The following LRRC4C variants were observed in gnomAD, a reference collection of about 807,000 sequenced individuals.
LRRC4C encodes leucine-rich repeat-containing protein 4C.
LRRC4C carries 5 observed loss-of-function variants against 33.6 expected under a neutral mutation model. The ratio of observed to expected loss-of-function variants is 0.15; its 90% CI spans 0.08 to 0.31. The LOEUF is 0.31. Ranked by LOEUF, LRRC4C falls within the 10% of genes least tolerant of loss-of-function variation. LRRC4C has a pLI of 1.00. For missense variants in LRRC4C, 560 were observed against 796.7 expected (o/e 0.70, Z 3.58); for synonymous variants, 329 against 302.0 (o/e 1.09, Z -0.93).
intron 3 of LRRC4C, among the ~76,000 whole-genome samples, chr11:40,518,547 A>G (rs1240009291): frequency 6.6e-6 from 1 of 152,210 alleles, no homozygotes; most frequent in African/African-American, 2.4e-5. Context: ...CAAAACCACA[A>G]TGAGATACCA....
intron 1 of LRRC4C, among the ~76,000 whole-genome samples, chr11:41,358,691 C>T (rs1043265687): frequency 6.6e-6 from 1 of 152,102 alleles, no homozygotes; most frequent in Non-Finnish European, 1.5e-5. Flanking sequence ...TATAACTGCT[C>T]ACTTATTAGA....
intron 3 of LRRC4C, among the ~76,000 whole-genome samples, chr11:40,501,507 A>G (rs911599842): frequency 3.9e-5 from 6 of 152,218 alleles, no homozygotes; most frequent in Non-Finnish European, 8.8e-5. Flanking sequence ...CCAAACCTCA[A>G]TTCATGACTT....
intron 2 of LRRC4C, among the ~76,000 whole-genome samples, chr11:40,835,034 T>C (rs1444753038): frequency 2.0e-5 from 3 of 152,024 alleles, no homozygotes; most frequent in East Asian, 1.9e-4. Context: ...GATTATTTGA[T>C]TGCAATGCAA....
At chr11:40,340,824 A>G (rs1008328339) in intron 3 of LRRC4C, among the ~76,000 whole-genome samples, 5 of 152,188 alleles carry the variant, frequency 3.3e-5, no homozygotes, top group African/African-American at 9.7e-5. Context: ...TGTCTCTTCT[A>G]AATGCAGAGG....
intron 1 of LRRC4C, among the ~76,000 whole-genome samples, chr11:41,287,886 C>T (rs1949878753): frequency 6.6e-6 from 1 of 152,130 alleles, no homozygotes; most frequent in Non-Finnish European, 1.5e-5. Flanking sequence ...TTATTAGTGG[C>T]TTCCATGTCA....
At chr11:40,586,727 A>G (rs1223683711) in intron 3 of LRRC4C, among the ~76,000 whole-genome samples, 6 of 150,748 alleles carry the variant, frequency 4.0e-5, no homozygotes, top group Non-Finnish European at 7.4e-5. Context: ...TTTATTAAAT[A>G]GGGAAGCCTT....
intron 2 of LRRC4C, among the ~76,000 whole-genome samples, chr11:40,669,360 T>G (rs560655933): frequency 6.6e-6 from 1 of 152,340 alleles, no homozygotes; most frequent in East Asian, 1.9e-4. Context: ...AGTCTTATCT[T>G]TAAAGTCAAA....
intron 1 of LRRC4C, among the ~76,000 whole-genome samples, chr11:40,964,051 A>G (rs1784952545): frequency 6.6e-6 from 1 of 151,312 alleles, no homozygotes; most frequent in African/African-American, 2.4e-5. Context: ...TGCCAATAAG[A>G]GCTCTTACAA....
At chr11:40,873,545 G>A (rs1277624644) in intron 2 of LRRC4C, among the ~76,000 whole-genome samples, 2 of 152,112 alleles carry the variant, frequency 1.3e-5, no homozygotes, top group Non-Finnish European at 2.9e-5. Flanking sequence ...GGGGTAAGAC[G>A]TCTGGGACAC....
intron 3 of LRRC4C, among the ~76,000 whole-genome samples, chr11:40,436,623 G>T (rs1308599024): frequency 6.6e-6 from 1 of 152,142 alleles, no homozygotes; most frequent in Non-Finnish European, 1.5e-5. Flanking sequence ...AGACTCAATA[G>T]AGCTATTACA....
chr11:40,599,802 G>A (rs116338370), intron 3 of LRRC4C, among the ~76,000 whole-genome samples: 3,060 of 152,262 alleles, frequency 0.02, 48 homozygotes, highest in South Asian at 0.036. Context: ...AAGTTAGAAT[G>A]GTAGATAGAG....
intron 1 of LRRC4C, among the ~76,000 whole-genome samples, chr11:41,274,463 T>C (rs1949416212): frequency 2.6e-5 from 4 of 152,246 alleles, no homozygotes; most frequent in South Asian, 2.1e-4. Flanking sequence ...GAATTGCTAA[T>C]GGACCAGATG....
At chr11:40,378,479 CA>C (rs1180842679) in intron 3 of LRRC4C, among the ~76,000 whole-genome samples, 3 of 151,540 alleles carry the variant, frequency 2.0e-5, no homozygotes, top group African/African-American at 7.3e-5. Context: ...CTGACTCTTA[CA>C]AAAGATAGTG....
chr11:40,495,663 T>C (rs944426543), intron 3 of LRRC4C, among the ~76,000 whole-genome samples: 18 of 152,214 alleles, frequency 1.2e-4, no homozygotes, highest in African/African-American at 3.9e-4. Flanking sequence ...CTTTGAATTA[T>C]TGTTGCTAGT....
intron 1 of LRRC4C, among the ~76,000 whole-genome samples, chr11:41,015,421 T>G (rs1163157117): frequency 6.6e-6 from 1 of 152,050 alleles, no homozygotes; most frequent in Non-Finnish European, 1.5e-5. Flanking sequence ...TTCTACCTCT[T>G]GAGTTCAAGC....
intron 1 of LRRC4C, among the ~76,000 whole-genome samples, chr11:40,968,304 C>T (rs2136956792): frequency 6.6e-6 from 1 of 152,114 alleles, no homozygotes; most frequent in Non-Finnish European, 1.5e-5. Context: ...GTTGGTTCAC[C>T]AGGCTGAGTG....
intron 6 of LRRC4C, among the ~76,000 whole-genome samples, chr11:40,139,439 A>G (rs1459554171): frequency 3.9e-5 from 6 of 152,238 alleles, no homozygotes; most frequent in Non-Finnish European, 5.9e-5. Flanking sequence ...CAAAATAAAA[A>G]GTTGATTTCT....
At chr11:41,200,827 A>G (rs1199101317) in intron 1 of LRRC4C, among the ~76,000 whole-genome samples, 1 of 152,188 alleles carries the variant, frequency 6.6e-6, no homozygotes, top group African/African-American at 2.4e-5. Context: ...GTATTTGTCA[A>G]TTTATTTGCT....
intron 1 of LRRC4C, among the ~76,000 whole-genome samples, chr11:40,969,740 T>C (rs915959646): frequency 2.0e-5 from 3 of 152,228 alleles, no homozygotes; most frequent in Non-Finnish European, 4.4e-5. Flanking sequence ...TAGAATATTG[T>C]AACATAACTT....
Sources: gnomAD v4.1 joint callset for allele counts (sites outside exome capture counted in the v4.1 genomes callset) on GRCh38, gnomAD v4.1.1 for gene constraint, MANE v1.5 for transcripts, NCBI Gene and HGNC (gene_info 2026-07-23, HGNC 2026-07-21) for gene names.